Variants in COLEC10 observed in about 807,000 individuals in gnomAD.
COLEC10 encodes the protein collectin-10.
A neutral mutation model predicts 28.4 loss-of-function variants in COLEC10; 22 were observed. The ratio of observed to expected loss-of-function variants is 0.78; its 90% CI spans 0.55 to 1.11. COLEC10 has a LOEUF of 1.11. COLEC10 is among the 50% of genes least tolerant of loss of function. The probability of loss-of-function intolerance (pLI) is 0.00; values close to 1 mark genes in which losing one functional copy is unlikely to be tolerated. For missense variants in COLEC10, 361 were observed against 344.1 expected (o/e 1.05, Z -0.39); for synonymous variants, 125 against 116.1 (o/e 1.08, Z -0.49).
chr8:119,052,991 G>A (rs1814700295), intron 2 of COLEC10, among the ~76,000 whole-genome samples: 1 of 152,088 alleles, frequency 6.6e-6, no homozygotes, highest in Admixed American at 6.6e-5. Context: ...ACGTGGAGGA[G>A]GAAAGTCCTG....
chr8:119,057,191 C>A (rs1227573814), intron 2 of COLEC10, among the ~76,000 whole-genome samples: 1 of 151,860 alleles, frequency 6.6e-6, no homozygotes, highest in African/African-American at 2.4e-5. Context: ...TTCACAAGAT[C>A]TGATGGTTTT....
intron 1 of COLEC10, among the ~76,000 whole-genome samples, chr8:119,003,881 C>T (rs934783518): frequency 2.0e-5 from 3 of 151,936 alleles, no homozygotes; most frequent in Admixed American, 6.6e-5. Flanking sequence ...TAGTTTGGGG[C>T]CCCCAACTAT....
At chr8:118,974,879 ATAAACT>A in the COLEC10 span, among the ~76,000 whole-genome samples, 3 of 152,164 alleles carry the variant, frequency 2.0e-5, no homozygotes, top group Admixed American at 6.6e-5. Context: ...AGTAATCAAA[ATAAACT>A]TAAAGTTTAT....
intron 2 of COLEC10, among the ~76,000 whole-genome samples, chr8:119,015,566 T>C (rs1454333715): frequency 6.6e-6 from 1 of 152,194 alleles, no homozygotes; most frequent in African/African-American, 2.4e-5. Context: ...ACAAAATATA[T>C]TGCAACCCTG....
At chr8:119,019,720 C>A (rs921950584) in intron 2 of COLEC10, among the ~76,000 whole-genome samples, 8 of 152,138 alleles carry the variant, frequency 5.3e-5, no homozygotes, top group African/African-American at 1.9e-4. Flanking sequence ...TTAATGCATG[C>A]CCTTCTCACG....
chr8:119,083,503 G>C (rs1187918010), intron 1 of COLEC10, among the ~76,000 whole-genome samples: 1 of 152,068 alleles, frequency 6.6e-6, no homozygotes, highest in Non-Finnish European at 1.5e-5. Context: ...TGAAGCCCAG[G>C]GAGTGGATAC....
At chr8:119,050,556 A>G (rs1177242632) in intron 2 of COLEC10, among the ~76,000 whole-genome samples, 1 of 152,230 alleles carries the variant, frequency 6.6e-6, no homozygotes, top group South Asian at 2.1e-4. Context: ...AAAAAGTTCT[A>G]TATTTTATGG....
intron 3 of COLEC10, among the ~76,000 whole-genome samples, chr8:119,091,595 G>GAGAAAGAA (rs200954056): frequency 0.012 from 1,637 of 138,494 alleles, 10 homozygotes; most frequent in African/African-American, 0.013. Flanking sequence ...GAGAGAGAGA[G>GAGAAAGAA]AGAAAGAAAG....
chr8:118,972,374 T>G, the COLEC10 span, among the ~76,000 whole-genome samples: 1 of 152,026 alleles, frequency 6.6e-6, no homozygotes, highest in African/African-American at 2.4e-5. Context: ...CCTCTAGGGC[T>G]GTGGGTACCT....
At chr8:119,071,134 C>CA (rs1815115977) in intron 1 of COLEC10, among the ~76,000 whole-genome samples, 1 of 152,166 alleles carries the variant, frequency 6.6e-6, no homozygotes, top group Admixed American at 6.5e-5. Flanking sequence ...AGGGCAAAGT[C>CA]AAAGAACATG....
chr8:119,081,985 G>C (rs1442922133), intron 1 of COLEC10, among the ~76,000 whole-genome samples: 2 of 152,140 alleles, frequency 1.3e-5, no homozygotes, highest in Non-Finnish European at 2.9e-5. Flanking sequence ...AAATCGTTAG[G>C]AATCACCTGT....
chr8:119,099,226 A>G (rs1815776570), intron 3 of COLEC10, among the ~76,000 whole-genome samples: 1 of 151,960 alleles, frequency 6.6e-6, no homozygotes, highest in Non-Finnish European at 1.5e-5. Context: ...GTTTTTGTGG[A>G]TGACTTTAAA....
chr8:119,103,998 T>C lies in COLEC10; in HGVS notation c.442+103T>C. On this transcript the variant is annotated intron_variant, in intron 5 of 5. Transcript: ENST00000332843. The stretch of plus-strand genomic sequence containing the variant: ...AAATATCTTGAGTTGGACAAAGGGC[T>C]ATTGAGATAGTGTCACCAGTTTAAG... 3 of 838,084 alleles carry C rather than the reference T, an allele frequency of 3.6e-6. No homozygotes were observed. The East Asian group carries it at 7.7e-5, about 21-fold the overall frequency. The allele number at this position is 838,084 out of a possible 1,614,324, so 51.9% of individuals were successfully genotyped here.
chr8:118,954,587 T>C, the COLEC10 span, among the ~76,000 whole-genome samples: 105 of 152,380 alleles, frequency 6.9e-4, no homozygotes, highest in African/African-American at 2.5e-3. Context: ...TTAAGCAGAA[T>C]GTTCCGTAAC....
intron 3 of COLEC10, among the ~76,000 whole-genome samples, chr8:119,101,919 G>A (rs1325548574): frequency 1.3e-5 from 2 of 151,958 alleles, no homozygotes; most frequent in African/African-American, 4.8e-5. Context: ...ACATAACAAT[G>A]GTAGTTTTAA....
the COLEC10 span, among the ~76,000 whole-genome samples, chr8:118,974,141 CT>C: frequency 6.6e-6 from 1 of 151,932 alleles, no homozygotes; most frequent in Non-Finnish European, 1.5e-5. Flanking sequence ...CAATTCCTTC[CT>C]TGCTTTCTGC....
the COLEC10 span, among the ~76,000 whole-genome samples, chr8:118,961,488 C>G: frequency 0.07 from 10,709 of 152,192 alleles, 1,239 homozygotes; most frequent in African/African-American, 0.24. Flanking sequence ...CTGATTCAGG[C>G]GCTGGCCTTC....
At chr8:119,049,557 G>A (rs552916469) in intron 2 of COLEC10, among the ~76,000 whole-genome samples, 1 of 151,750 alleles carries the variant, frequency 6.6e-6, no homozygotes, top group African/African-American at 2.4e-5. Flanking sequence ...TGGGACTATA[G>A]GCGCCCACCA....
chr8:119,023,530 T>C (rs1468175455), intron 2 of COLEC10, among the ~76,000 whole-genome samples: 1 of 152,196 alleles, frequency 6.6e-6, no homozygotes, highest in Non-Finnish European at 1.5e-5. Context: ...AGACTTATTT[T>C]AACCTCTAGT....
Sources: gnomAD v4.1 joint callset for allele counts (sites outside exome capture counted in the v4.1 genomes callset) on GRCh38, gnomAD v4.1.1 for gene constraint, MANE v1.5 for transcripts, NCBI Gene and HGNC (gene_info 2026-07-23, HGNC 2026-07-21) for gene names.